The following ATRNL1 variants were observed in gnomAD, a reference collection of about 807,000 sequenced individuals.
The protein encoded by ATRNL1 is attractin like 1, also known as attractin-like protein 1.
ATRNL1 carries 95 observed loss-of-function variants against 182.7 expected under a neutral mutation model. The ratio of observed to expected loss-of-function variants is 0.52; its 90% CI spans 0.44 to 0.62. The LOEUF is 0.62. ATRNL1 is among the 20% of genes least tolerant of loss of function. ATRNL1 has a pLI of 0.00. For synonymous variants in ATRNL1, 576 were observed against 568.3 expected, an observed-to-expected ratio of 1.01 and a Z score of -0.19; for missense variants, 1,471 against 1,679.5, an observed-to-expected ratio of 0.88 and a Z score of 2.17.
chr10:115,709,300 G>T (rs1555053871), intron 26 of ATRNL1, among the ~76,000 whole-genome samples: 1 of 151,918 alleles, frequency 6.6e-6, no homozygotes, highest in East Asian at 1.9e-4. Context: ...TTGTTGGCAT[G>T]TCACACATTC....
At chr10:115,330,950 G>A (rs1303038857) in intron 18 of ATRNL1, among the ~76,000 whole-genome samples, 9 of 151,682 alleles carry the variant, frequency 5.9e-5, no homozygotes, top group Non-Finnish European at 1.2e-4. Flanking sequence ...TAGAACCTCT[G>A]TGTTTTTCTC....
chr10:115,500,958 C>T (rs1403267427), intron 24 of ATRNL1, among the ~76,000 whole-genome samples: 27 of 61,228 alleles, frequency 4.4e-4, no homozygotes, highest in African/African-American at 1.7e-3. Context: ...GATAGAGTTT[C>T]GTTCTTGTCG....
intron 26 of ATRNL1, among the ~76,000 whole-genome samples, chr10:115,672,670 G>T (rs1377341315): frequency 6.6e-6 from 1 of 151,938 alleles, no homozygotes; most frequent in Non-Finnish European, 1.5e-5. Flanking sequence ...TGTTTTTTAT[G>T]TATGGTGCTT....
intron 20 of ATRNL1, among the ~76,000 whole-genome samples, chr10:115,408,576 A>G (rs1366883581): frequency 7.2e-5 from 11 of 151,954 alleles, no homozygotes; most frequent in African/African-American, 2.4e-4. Flanking sequence ...ATCTTGATAT[A>G]GTTATATTTG....
At chr10:115,745,075 A>G (rs1555068795) in intron 27 of ATRNL1, among the ~76,000 whole-genome samples, 2 of 151,932 alleles carry the variant, frequency 1.3e-5, no homozygotes, top group African/African-American at 4.8e-5. Context: ...GACCCTTAGA[A>G]CCACTTATTT....
intron 24 of ATRNL1, among the ~76,000 whole-genome samples, chr10:115,473,425 A>C (rs1319744240): frequency 2.6e-5 from 4 of 151,270 alleles, no homozygotes; most frequent in African/African-American, 7.3e-5. Flanking sequence ...AGAATACAGC[A>C]TTATTAACTA....
In ATRNL1 at chr10:115,222,984, A is replaced by G. The variant is rs186268671; in HGVS notation, c.1532+7104A>G. On this transcript the variant is annotated intron_variant, in intron 9 of 28. Coordinates refer to ENST00000355044, the MANE Select transcript of ATRNL1 (RefSeq NM_207303.4). ...CAGAAAAGGGGTAAATTAGTGTTAA[A>G]AAGTCTGAAAGTTGGTCGGGCATGG... is the stretch of plus-strand genomic sequence containing the variant. 5.5e-3 allele frequency among the ~76,000 whole-genome samples: 832 copies of G among 152,264 alleles called. 3 individuals are homozygous for G. Among genetic ancestry groups the G allele is most frequent in the African/African-American group, 0.014 (570 of 41,552 alleles).
At chr10:115,245,612 T>C (rs1850603216) in intron 10 of ATRNL1, among the ~76,000 whole-genome samples, 1 of 151,954 alleles carries the variant, frequency 6.6e-6, no homozygotes. Context: ...ATAGATATAG[T>C]TTGGTAAGGC....
chr10:115,888,581 C>A (rs560826825), intron 28 of ATRNL1, among the ~76,000 whole-genome samples: 1 of 152,184 alleles, frequency 6.6e-6, no homozygotes, highest in East Asian at 1.9e-4. Flanking sequence ...ATCTTCCTGG[C>A]GGAAGTCCTC....
chr10:115,660,994 G>A (rs965485718), intron 26 of ATRNL1, among the ~76,000 whole-genome samples: 24 of 151,990 alleles, frequency 1.6e-4, no homozygotes, highest in African/African-American at 5.6e-4. Flanking sequence ...CAGATTTAGG[G>A]GAAGGTAGGA....
chr10:115,140,462 T>A (rs1238276055), intron 5 of ATRNL1, among the ~76,000 whole-genome samples: 4 of 152,212 alleles, frequency 2.6e-5, no homozygotes, highest in African/African-American at 9.6e-5. Flanking sequence ...GATGTAGGGG[T>A]AGACAGGTTA....
chr10:115,668,683 C>A (rs1421775195), intron 26 of ATRNL1, among the ~76,000 whole-genome samples: 2 of 152,010 alleles, frequency 1.3e-5, no homozygotes, highest in African/African-American at 4.8e-5. Flanking sequence ...TCCATTTTTT[C>A]TCTAGGATTA....
intron 5 of ATRNL1, among the ~76,000 whole-genome samples, chr10:115,136,825 T>G (rs1845535435): frequency 6.6e-6 from 1 of 152,214 alleles, no homozygotes; most frequent in South Asian, 2.1e-4. Context: ...GTACCACAGT[T>G]TGTTTATCCA....
intron 8 of ATRNL1, among the ~76,000 whole-genome samples, chr10:115,204,649 G>C (rs1303142317): frequency 6.6e-6 from 1 of 151,978 alleles, no homozygotes; most frequent in Non-Finnish European, 1.5e-5. Context: ...TTTTATCACA[G>C]TGAATTATTC....
chr10:115,097,070 A>G (rs1366201646), intron 1 of ATRNL1, among the ~76,000 whole-genome samples: 1 of 152,154 alleles, frequency 6.6e-6, no homozygotes, highest in Non-Finnish European at 1.5e-5. Context: ...TGTAGAGTAG[A>G]GATTTATATA....
intron 26 of ATRNL1, among the ~76,000 whole-genome samples, chr10:115,673,050 T>C (rs559499500): frequency 6.6e-6 from 1 of 152,002 alleles, no homozygotes. Flanking sequence ...ATGGTCCCCT[T>C]ATTTACCAAA....
chr10:115,252,521 A>C (rs1052997212), intron 10 of ATRNL1, among the ~76,000 whole-genome samples: 5 of 152,202 alleles, frequency 3.3e-5, no homozygotes, highest in Admixed American at 6.5e-5. Flanking sequence ...GCAAAGGCAG[A>C]GTGCTATCTG....
At chr10:115,751,549 C>A (rs1306297904) in intron 27 of ATRNL1, among the ~76,000 whole-genome samples, 1 of 151,948 alleles carries the variant, frequency 6.6e-6, no homozygotes, top group Admixed American at 6.6e-5. Context: ...ACCCTTAGAT[C>A]CCACAAACAC....
chr10:115,450,326 G>A (rs1477105035), intron 21 of ATRNL1, among the ~76,000 whole-genome samples: 1 of 152,136 alleles, frequency 6.6e-6, no homozygotes, highest in Non-Finnish European at 1.5e-5. Context: ...CAAATAGGAA[G>A]AGAGGAAGTC....
Sources: allele counts gnomAD v4.1 joint callset (sites outside exome capture counted in the v4.1 genomes callset), GRCh38; gene constraint gnomAD v4.1.1; transcripts MANE v1.5; gene names NCBI Gene and HGNC (gene_info 2026-07-23, HGNC 2026-07-21).